ADGRL3: variants seen among roughly 807,000 people sequenced by gnomAD.
ADGRL3 encodes adhesion G protein-coupled receptor L3.
ADGRL3 carries 62 observed loss-of-function variants against 153.5 expected under a neutral mutation model. That is an observed-to-expected ratio of 0.40 (90% CI 0.33 to 0.50). The LOEUF (loss-of-function observed/expected upper bound fraction) is 0.50. ADGRL3 is among the 20% of genes least tolerant of loss of function. The pLI is 0.47. For synonymous variants in ADGRL3, 710 were observed against 672.5 expected, an observed-to-expected ratio of 1.06 and a Z score of -0.86; for missense variants, 1,641 against 1,859.4, an observed-to-expected ratio of 0.88 and a Z score of 2.16.
intron 4 of ADGRL3, among the ~76,000 whole-genome samples, chr4:61,541,821 A>G (rs1389527370): frequency 7.4e-6 from 1 of 135,996 alleles, no homozygotes; most frequent in African/African-American, 2.8e-5. Context: ...TTTGAGCCTT[A>G]GATATATATG....
intron 1 of ADGRL3, among the ~76,000 whole-genome samples, chr4:61,331,731 C>G (rs1033190818): frequency 6.6e-6 from 1 of 152,036 alleles, no homozygotes; most frequent in African/African-American, 2.4e-5. Context: ...CTAACCCTAG[C>G]TGTCAATAAT....
chr4:61,838,082 C>T (rs1219636734), intron 9 of ADGRL3, among the ~76,000 whole-genome samples: 2 of 151,860 alleles, frequency 1.3e-5, no homozygotes, highest in Non-Finnish European at 2.9e-5. Context: ...AAGTTTTTTT[C>T]TCATGAAACT....
intron 1 of ADGRL3, among the ~76,000 whole-genome samples, chr4:61,268,890 G>A (rs1298903142): frequency 6.6e-6 from 1 of 151,360 alleles, no homozygotes; most frequent in African/African-American, 2.4e-5. Context: ...GAGCACTATT[G>A]GGAAAATAAG....
chr4:61,771,721 C>T (rs1204117660), intron 8 of ADGRL3, among the ~76,000 whole-genome samples: 1 of 152,060 alleles, frequency 6.6e-6, no homozygotes, highest in Non-Finnish European at 1.5e-5. Flanking sequence ...ACAACCACTC[C>T]CCACCACCTT....
chr4:61,878,580 G>C (rs946724151), intron 9 of ADGRL3, among the ~76,000 whole-genome samples: 1 of 152,178 alleles, frequency 6.6e-6, no homozygotes, highest in South Asian at 2.1e-4. Context: ...ATGAAGTAGG[G>C]TGATCTCCTC....
intron 1 of ADGRL3, among the ~76,000 whole-genome samples, chr4:61,367,681 A>G (rs1429665561): frequency 6.8e-6 from 1 of 147,092 alleles, no homozygotes; most frequent in Non-Finnish European, 1.5e-5. Flanking sequence ...TATTGTGAAT[A>G]ATGCCACAAT....
intron 5 of ADGRL3, among the ~76,000 whole-genome samples, chr4:61,643,772 C>T (rs1181717585): frequency 4.3e-5 from 6 of 139,748 alleles, no homozygotes; most frequent in African/African-American, 1.6e-4. Context: ...TGTCTCTGCC[C>T]GGCTTTGGTA....
At chr4:62,043,915 T>A (rs1267574012) in intron 24 of ADGRL3, among the ~76,000 whole-genome samples, 1 of 151,970 alleles carries the variant, frequency 6.6e-6, no homozygotes, top group Non-Finnish European at 1.5e-5. Context: ...ATCCCTAAAA[T>A]TACATTGATC....
chr4:61,392,803 C>G (rs539218352), intron 2 of ADGRL3, among the ~76,000 whole-genome samples: 2 of 149,474 alleles, frequency 1.3e-5, no homozygotes, highest in Admixed American at 1.3e-4. Context: ...CAAAACCTCT[C>G]AGATTAAATA....
At chr4:62,004,288 A>C (rs188101685) in intron 21 of ADGRL3, among the ~76,000 whole-genome samples, 25 of 152,122 alleles carry the variant, frequency 1.6e-4, no homozygotes, top group Admixed American at 1.6e-3. Context: ...TACTTGCTAA[A>C]ATTATCTCGT....
intron 9 of ADGRL3, among the ~76,000 whole-genome samples, chr4:61,891,737 A>G (rs1490556973): frequency 6.6e-6 from 1 of 152,156 alleles, no homozygotes; most frequent in Non-Finnish European, 1.5e-5. Context: ...ATTGCCAGTA[A>G]GTGAGGTTAA....
chr4:61,719,306 T>A (rs760442434), intron 6 of ADGRL3, among the ~76,000 whole-genome samples: 6 of 152,016 alleles, frequency 3.9e-5, no homozygotes, highest in Non-Finnish European at 7.4e-5. Flanking sequence ...TCATAAAGAG[T>A]GGAAAATAAG....
At chr4:61,484,148 C>G (rs2098163911) in intron 2 of ADGRL3, among the ~76,000 whole-genome samples, 1 of 151,908 alleles carries the variant, frequency 6.6e-6, no homozygotes, top group Non-Finnish European at 1.5e-5. Context: ...ACTCCTGGAA[C>G]ATGATACGTT....
chr4:61,698,599 G>T lies in ADGRL3; in HGVS notation c.583+21664G>T, dbSNP rs534892423. 3.3e-5 allele frequency among the ~76,000 whole-genome samples: 5 copies of T among 152,280 alleles called. No individual in the cohort carries two copies. The South Asian group carries it at 1.0e-3, about 32-fold the overall frequency. On this transcript the variant is annotated intron_variant, in intron 6 of 26. Transcript: ENST00000683033. ...ATTCAAACTCTTGTGGTATTCTCAA[G>T]TATTTTTTTTAATTCCATTAATTAT...
intron 6 of ADGRL3, 67 bp downstream of exon 6, chr4:61,677,002 C>A: frequency 2.1e-6 from 2 of 955,092 alleles, no homozygotes; most frequent in Non-Finnish European, 1.6e-6. Context: ...CATGCATTGA[C>A]AAATATTCTC....
intron 4 of ADGRL3, among the ~76,000 whole-genome samples, chr4:61,532,987 T>C (rs1219704612): frequency 6.6e-6 from 1 of 152,056 alleles, no homozygotes; most frequent in Non-Finnish European, 1.5e-5. Flanking sequence ...CATGGGACTC[T>C]TTGGAAAAAG....
At chr4:61,640,208 T>C (rs2093603430) in intron 5 of ADGRL3, among the ~76,000 whole-genome samples, 1 of 150,428 alleles carries the variant, frequency 6.6e-6, no homozygotes, top group Non-Finnish European at 1.5e-5. Context: ...GAGGAAATAA[T>C]AGAGTATGTT....
chr4:61,910,585 TC>T (rs2098717574), intron 12 of ADGRL3, among the ~76,000 whole-genome samples: 1 of 151,814 alleles, frequency 6.6e-6, no homozygotes, highest in Non-Finnish European at 1.5e-5. Flanking sequence ...TGACATGGGT[TC>T]CCTGACTGGC....
intron 18 of ADGRL3, among the ~76,000 whole-genome samples, chr4:61,980,591 C>A (rs1296632376): frequency 6.6e-6 from 1 of 151,882 alleles, no homozygotes; most frequent in Non-Finnish European, 1.5e-5. Context: ...AGGCATTTGC[C>A]ACCAAGCCCA....
Sources: gnomAD v4.1 joint callset for allele counts (sites outside exome capture counted in the v4.1 genomes callset) on GRCh38, gnomAD v4.1.1 for gene constraint, MANE v1.5 for transcripts, NCBI Gene and HGNC (gene_info 2026-07-23, HGNC 2026-07-21) for gene names.